DGKB: variants seen among roughly 807,000 people sequenced by gnomAD.
The protein encoded by DGKB is diacylglycerol kinase beta, also known as 90 kDa diacylglycerol kinase.
DGKB carries 67 observed loss-of-function variants against 114.3 expected under a neutral mutation model. The ratio of observed to expected loss-of-function variants is 0.59; its 90% CI spans 0.48 to 0.72. The LOEUF is 0.72. Ranked by LOEUF, DGKB falls within the 30% of genes least tolerant of loss-of-function variation. The probability of loss-of-function intolerance (pLI) is 0.00; values close to 1 mark genes in which losing one functional copy is unlikely to be tolerated. For synonymous variants in DGKB, 398 were observed against 323.1 expected, an observed-to-expected ratio of 1.23 and a Z score of -2.49; for missense variants, 907 against 975.2, an observed-to-expected ratio of 0.93 and a Z score of 0.93.
At chr7:14,836,296 T>C (rs1055681596) in intron 2 of DGKB, among the ~76,000 whole-genome samples, 2 of 152,186 alleles carry the variant, frequency 1.3e-5, no homozygotes, top group Non-Finnish European at 2.9e-5. Flanking sequence ...CTCCTCACAA[T>C]GCCAGCTGCT....
chr7:14,313,971 AC>A (rs1805951809), intron 23 of DGKB, among the ~76,000 whole-genome samples: 1 of 152,112 alleles, frequency 6.6e-6, no homozygotes, highest in Non-Finnish European at 1.5e-5. Context: ...TGGGTCCCTC[AC>A]CCCTGACCCC....
chr7:14,195,559 G>C (rs138387861), intron 23 of DGKB, among the ~76,000 whole-genome samples: 33 of 152,084 alleles, frequency 2.2e-4, no homozygotes, highest in Admixed American at 5.9e-4. Flanking sequence ...ATGACTACAC[G>C]GTCTTTACAC....
chr7:14,213,666 G>C (rs1340360068), intron 23 of DGKB, among the ~76,000 whole-genome samples: 1 of 152,088 alleles, frequency 6.6e-6, no homozygotes, highest in Non-Finnish European at 1.5e-5. Flanking sequence ...TGGGAACTGG[G>C]ACTTCAGGAA....
At chr7:14,778,713 G>C (rs1447686170) in intron 2 of DGKB, among the ~76,000 whole-genome samples, 1 of 152,138 alleles carries the variant, frequency 6.6e-6, no homozygotes, top group Non-Finnish European at 1.5e-5. Context: ...GAGGTGAAGA[G>C]GGAGTTGACT....
chr7:14,579,611 T>G (rs1408880003), intron 19 of DGKB, among the ~76,000 whole-genome samples: 1 of 152,142 alleles, frequency 6.6e-6, no homozygotes, highest in African/African-American at 2.4e-5. Context: ...TTGCATGAAC[T>G]CTAATGCAAC....
At chr7:14,431,749 A>G (rs1230306888) in intron 21 of DGKB, among the ~76,000 whole-genome samples, 1 of 152,126 alleles carries the variant, frequency 6.6e-6, no homozygotes, top group East Asian at 1.9e-4. Flanking sequence ...TATCTATGTT[A>G]TTATAGAACT....
In DGKB at chr7:14,529,026, G is replaced by T. The variant is rs574196736; in HGVS notation, c.1770+45186C>A. On this transcript the variant is annotated intron_variant, in intron 20 of 25. Transcript: ENST00000402815. ...GTTTAACTTCATTAGCAATTACTGG[G>T]ACCCAAGTTGGAGTCGTTTACAAAC... Among the ~76,000 whole-genome samples, 3 of 152,062 alleles carry T rather than the reference G, an allele frequency of 2.0e-5. No individual in the cohort carries two copies. In the South Asian group the frequency reaches 6.2e-4, roughly 32 times the overall value.
rs73065752 is a variant in DGKB at position 14,181,104 on chromosome 7, A to C, written c.2123-2953T>G. 8.1e-3 allele frequency among the ~76,000 whole-genome samples: 1,226 copies of C among 152,286 alleles called. 10 individuals are homozygous for C. The highest frequency in any genetic ancestry group is 0.027 in the Middle Eastern group (8 of 294). ...AACATCTGAAAATTATATAAAATTC[A>C]AATTTCAGTGCCCATCAATTAGTCT... On this transcript the variant is annotated intron_variant, in intron 23 of 25. Coordinates refer to ENST00000402815, the MANE Select transcript of DGKB (RefSeq NM_001350709.2).
intron 6 of DGKB, among the ~76,000 whole-genome samples, chr7:14,715,312 G>A (rs527560196): frequency 6.6e-6 from 1 of 152,176 alleles, no homozygotes; most frequent in Non-Finnish European, 1.5e-5. Context: ...TTGGAGTATT[G>A]TAACAGAAGT....
At chr7:14,160,921 A>G (rs369947876) in intron 25 of DGKB, among the ~76,000 whole-genome samples, 66 of 152,292 alleles carry the variant, frequency 4.3e-4, no homozygotes, top group African/African-American at 1.1e-3. Context: ...GTACCAAAAC[A>G]GATATATAGA....
chr7:14,393,195 A>T (rs547181178), intron 21 of DGKB, among the ~76,000 whole-genome samples: 57 of 151,326 alleles, frequency 3.8e-4, no homozygotes, highest in South Asian at 6.3e-4. Flanking sequence ...TTCACCGTGT[A>T]AGCCAGGATG....
chr7:14,456,198 G>A (rs1832261989), intron 21 of DGKB, among the ~76,000 whole-genome samples: 1 of 151,912 alleles, frequency 6.6e-6, no homozygotes, highest in African/African-American at 2.4e-5. Flanking sequence ...TGTGTTTTGT[G>A]ATAGACTTGG....
chr7:14,368,387 T>C (rs1397890602), intron 21 of DGKB, among the ~76,000 whole-genome samples: 1 of 152,158 alleles, frequency 6.6e-6, no homozygotes, highest in African/African-American at 2.4e-5. Context: ...CATCCAGATT[T>C]TTTTAGGGTG....
At chr7:14,813,495 C>G (rs763994619) in intron 2 of DGKB, among the ~76,000 whole-genome samples, 1 of 152,094 alleles carries the variant, frequency 6.6e-6, no homozygotes, top group Non-Finnish European at 1.5e-5. Flanking sequence ...TTAGCAGCCA[C>G]CAGATATTTT....
intron 2 of DGKB, among the ~76,000 whole-genome samples, chr7:14,786,049 T>C (rs1839849445): frequency 6.6e-6 from 1 of 152,118 alleles, no homozygotes; most frequent in African/African-American, 2.4e-5. Flanking sequence ...CTTTTTTTCG[T>C]CTTCATGACA....
At chr7:14,388,129 G>T (rs541789410) in intron 21 of DGKB, among the ~76,000 whole-genome samples, 31 of 150,606 alleles carry the variant, frequency 2.1e-4, no homozygotes, top group African/African-American at 7.5e-4. Flanking sequence ...CACTCGCCTT[G>T]GCCTCCCAAA....
At chr7:14,435,862 C>T (rs1325078163) in intron 21 of DGKB, among the ~76,000 whole-genome samples, 1 of 152,068 alleles carries the variant, frequency 6.6e-6, no homozygotes, top group Non-Finnish European at 1.5e-5. Context: ...TTCTGAGCTT[C>T]CAACAACTGT....
chr7:14,192,026 T>A lies in DGKB; in HGVS notation c.2123-13875A>T. ...AGAGCTTTTCTGACTATCCTCTGAG[T>A]CATTTTGCTATTTGTTCTATGAGAC... On this transcript the variant is annotated intron_variant, in intron 23 of 25. Transcript: ENST00000402815. The A allele has an allele frequency of 4.1e-6, 2 of 491,510 alleles. 1 individual carries two copies. The highest frequency in any genetic ancestry group is 3.2e-5 in the South Asian group (2 of 62,158). The allele number at this position is 491,510 out of a possible 1,614,324, so 30.4% of individuals were successfully genotyped here.
chr7:14,920,282 A>G (rs1301932782), intron 1 of DGKB, among the ~76,000 whole-genome samples: 1 of 152,228 alleles, frequency 6.6e-6, no homozygotes, highest in Non-Finnish European at 1.5e-5. Context: ...TAGTAAAAAT[A>G]TACAACGAAT....
Sources: allele counts gnomAD v4.1 joint callset (sites outside exome capture counted in the v4.1 genomes callset), GRCh38; gene constraint gnomAD v4.1.1; transcripts MANE v1.5; gene names NCBI Gene and HGNC (gene_info 2026-07-23, HGNC 2026-07-21).